The following DOCK2 variants were observed in gnomAD, a reference collection of about 807,000 sequenced individuals.
DOCK2 encodes the protein dedicator of cytokinesis 2.
Under a neutral mutation model 248.9 loss-of-function variants are expected in DOCK2, and 87 were observed. That is an observed-to-expected ratio of 0.35 (90% CI 0.29 to 0.42). The LOEUF (loss-of-function observed/expected upper bound fraction) is 0.42, where lower values mean the gene tolerates loss of function less well. DOCK2 is among the 10% of genes least tolerant of loss of function. DOCK2 has a pLI of 1.00. For missense variants in DOCK2, 1,747 were observed against 2,300.2 expected (o/e 0.76, Z 4.92); for synonymous variants, 805 against 821.6 (o/e 0.98, Z 0.35).
intron 22 of DOCK2, among the ~76,000 whole-genome samples, chr5:169,726,295 A>T (rs2113601840): frequency 6.6e-6 from 1 of 152,300 alleles, no homozygotes; most frequent in Non-Finnish European, 1.5e-5. Flanking sequence ...TTGGCTGCAT[A>T]AATGTCTTCT....
At chr5:169,852,593 A>G (rs1770672668) in intron 27 of DOCK2, among the ~76,000 whole-genome samples, 1 of 152,196 alleles carries the variant, frequency 6.6e-6, no homozygotes, top group Non-Finnish European at 1.5e-5. Flanking sequence ...AATGGTCATT[A>G]CCTGCCAAGC....
intron 26 of DOCK2, among the ~76,000 whole-genome samples, chr5:169,828,364 T>C (rs1769008311): frequency 6.6e-6 from 1 of 152,198 alleles, no homozygotes; most frequent in African/African-American, 2.4e-5. Flanking sequence ...GGCTCTGAAT[T>C]CTGGCTGAGG....
intron 32 of DOCK2, among the ~76,000 whole-genome samples, chr5:170,014,269 G>T (rs1197811725): frequency 6.6e-6 from 1 of 152,092 alleles, no homozygotes; most frequent in Non-Finnish European, 1.5e-5. Context: ...GCTCCCCAAA[G>T]ATGTCCATGT....
chr5:169,789,232 C>A (rs1766177620), intron 25 of DOCK2, among the ~76,000 whole-genome samples: 1 of 152,180 alleles, frequency 6.6e-6, no homozygotes, highest in Non-Finnish European at 1.5e-5. Context: ...ATATGTACCA[C>A]ATTTTGTTTA....
At chr5:169,724,269 T>C (rs777979010) in intron 22 of DOCK2, among the ~76,000 whole-genome samples, 5 of 152,040 alleles carry the variant, frequency 3.3e-5, no homozygotes, top group African/African-American at 2.4e-5. Flanking sequence ...CTAAGTGCAG[T>C]AGGAATTCTG....
chr5:169,855,884 A>G (rs919610909), intron 27 of DOCK2, among the ~76,000 whole-genome samples: 2 of 152,218 alleles, frequency 1.3e-5, no homozygotes, highest in African/African-American at 2.4e-5. Flanking sequence ...ATTTATAAAG[A>G]AAAGAGGTTT....
intron 2 of DOCK2, among the ~76,000 whole-genome samples, chr5:169,667,574 T>G (rs56837866): frequency 1.0e-3 from 153 of 152,332 alleles, no homozygotes; most frequent in African/African-American, 3.6e-3. Flanking sequence ...TAAAGGAGGT[T>G]GTTGTAGCAC....
chr5:169,686,463 G>A (rs766027990), intron 8 of DOCK2, among the ~76,000 whole-genome samples: 33 of 152,230 alleles, frequency 2.2e-4, no homozygotes, highest in Non-Finnish European at 4.0e-4. Flanking sequence ...GGCCAGCCCA[G>A]GGAGAGTGGG....
At chr5:169,938,767 CTT>C (rs1293508752) in intron 27 of DOCK2, among the ~76,000 whole-genome samples, 1 of 152,112 alleles carries the variant, frequency 6.6e-6, no homozygotes, top group African/African-American at 2.4e-5. Flanking sequence ...CAGAGTGTAA[CTT>C]TACAAACTTT....
At chr5:169,660,420 C>A (rs1758378606) in intron 2 of DOCK2, among the ~76,000 whole-genome samples, 1 of 152,154 alleles carries the variant, frequency 6.6e-6, no homozygotes, top group African/African-American at 2.4e-5. Context: ...AAAAATAGCG[C>A]ATTGCTTTTG....
chr5:169,925,752 G>A (rs887572573), intron 27 of DOCK2, among the ~76,000 whole-genome samples: 71 of 151,970 alleles, frequency 4.7e-4, no homozygotes, highest in African/African-American at 1.6e-3. Context: ...CATTAAAAGA[G>A]ATCATGTAAA....
chr5:169,966,320 C>T (rs56913651), intron 27 of DOCK2, among the ~76,000 whole-genome samples: 2,747 of 152,212 alleles, frequency 0.018, 77 homozygotes, highest in African/African-American at 0.06. Flanking sequence ...AATGGCATGA[C>T]TCAGAGTTTA....
At position 169,669,688 on chromosome 5, in the gene DOCK2, G is replaced by A. The variant is rs145488433; in HGVS notation, c.168+360G>A. On this transcript the variant is annotated intron_variant, in intron 3 of 51. Transcript: ENST00000520908. ...GCAGCATTCAGTCATCTCCTCATCC[G>A]TATACCCAGGTCAACACAGAAAGGA... Among the ~76,000 whole-genome samples the A allele has an allele frequency of 5.5e-3, 830 of 152,070 alleles. 7 individuals are homozygous for A. Among genetic ancestry groups the A allele is most frequent in the African/African-American group, 0.019 (780 of 41,460 alleles).
chr5:169,885,147 C>A (rs1027351674), intron 27 of DOCK2, among the ~76,000 whole-genome samples: 4 of 152,220 alleles, frequency 2.6e-5, no homozygotes, highest in Non-Finnish European at 1.5e-5. Flanking sequence ...AAGACCACAT[C>A]AGGACCCATT....
In DOCK2 at chr5:170,001,451, G is replaced by T. The variant is rs1754829488; in HGVS notation, c.3072+5287G>T. ...GAAGAGCGATTTCAGCAGAAGAGCA[G>T]GGTGGTGAAGAATACAAGTCCTGGA... On this transcript the variant is annotated intron_variant, in intron 30 of 51. Coordinates refer to ENST00000520908, the MANE Select transcript of DOCK2 (RefSeq NM_004946.3). Among the ~76,000 whole-genome samples, 3 of 152,262 alleles carry T rather than the reference G, an allele frequency of 2.0e-5. 1 individual carries two copies. The Middle Eastern group carries it at 0.01, about 518-fold the overall frequency.
chr5:169,708,079 G>A, intron 14 of DOCK2, 90 bp from the exon 15 acceptor site: 1 of 1,385,586 alleles, frequency 7.2e-7, no homozygotes, highest in Non-Finnish European at 1.0e-6. Flanking sequence ...CAGGCCCTAA[G>A]GCTGGTCGTG....
chr5:169,911,917 G>T (rs1774618695), intron 27 of DOCK2, among the ~76,000 whole-genome samples: 1 of 152,150 alleles, frequency 6.6e-6, no homozygotes, highest in Non-Finnish European at 1.5e-5. Flanking sequence ...AGTCTCATGG[G>T]GCTATTAAAT....
At chr5:169,759,920 G>A (rs956908117) in intron 24 of DOCK2, 145 bp downstream of exon 24, 11 of 839,738 alleles carry the variant, frequency 1.3e-5, no homozygotes, top group Admixed American at 5.6e-5. Flanking sequence ...CAGGGTTTCC[G>A]GTGTGGTATT....
chr5:169,902,394 T>C (rs1214798222), intron 27 of DOCK2, among the ~76,000 whole-genome samples: 1 of 152,210 alleles, frequency 6.6e-6, no homozygotes, highest in Non-Finnish European at 1.5e-5. Flanking sequence ...AGAAGTTTAG[T>C]GATTTTGCCA....
Sources: allele counts gnomAD v4.1 joint callset (sites outside exome capture counted in the v4.1 genomes callset), GRCh38; gene constraint gnomAD v4.1.1; transcripts MANE v1.5; gene names NCBI Gene and HGNC (gene_info 2026-07-23, HGNC 2026-07-21).